The following TENM4 variants were observed in gnomAD, a reference collection of about 807,000 sequenced individuals.
The protein encoded by TENM4 is teneurin-4.
TENM4 carries 82 observed loss-of-function variants against 243.3 expected under a neutral mutation model. That is an observed-to-expected ratio of 0.34 (90% CI 0.28 to 0.40). TENM4 has a LOEUF of 0.40. TENM4 is among the 10% of genes least tolerant of loss of function. TENM4 has a pLI of 1.00. For missense variants in TENM4, 3,138 were observed against 3,673.3 expected (o/e 0.85, Z 3.77); for synonymous variants, 1,412 against 1,456.3 (o/e 0.97, Z 0.69).
chr11:79,420,556 T>C (rs1355423), intron 1 of TENM4, among the ~76,000 whole-genome samples: 8,687 of 152,322 alleles, frequency 0.057, 350 homozygotes, highest in Non-Finnish European at 0.087. Flanking sequence ...TTATGTGCTA[T>C]TTATGCCTCT....
At position 78,821,225 on chromosome 11, in the gene TENM4, T is replaced by C. The variant is rs527543135; in HGVS notation, c.1682-6830A>G. On this transcript the variant is annotated intron_variant, in intron 12 of 33. Coordinates refer to ENST00000278550, the MANE Select transcript of TENM4 (RefSeq NM_001098816.3). ...TATTATATTCAGTCTTGGCTATTTGTTAATTATTTCTTTGGGGACAAACCA... is the reference window on the plus strand; with the variant it reads ...TATTATATTCAGTCTTGGCTATTTGCTAATTATTTCTTTGGGGACAAACCA... 1.4e-3 allele frequency among the ~76,000 whole-genome samples: 207 copies of C among 152,378 alleles called. 1 individual carries two copies. The highest frequency in any genetic ancestry group is 4.7e-3 in the African/African-American group (197 of 41,594).
At chr11:79,098,230 C>CAT (rs1861133851) in intron 4 of TENM4, among the ~76,000 whole-genome samples, 1 of 140,258 alleles carries the variant, frequency 7.1e-6, no homozygotes, top group Non-Finnish European at 1.6e-5. Context: ...CACCCCCCCC[C>CAT]ATCTCCCAGC....
chr11:79,347,585 G>A (rs890617554), intron 1 of TENM4, among the ~76,000 whole-genome samples: 1 of 152,024 alleles, frequency 6.6e-6, no homozygotes, highest in Non-Finnish European at 1.5e-5. Flanking sequence ...TTGCAGTAGG[G>A]CCCCGCAGAC....
Position 78,733,899 on chromosome 11 carries a change from T to C in TENM4, c.2877-1322A>G, listed in dbSNP as rs547961700. On this transcript the variant is annotated intron_variant, in intron 20 of 33. Transcript: ENST00000278550. The stretch of plus-strand genomic sequence containing the variant: ...TAAAGCCCTATCATGCAATAAGACA[T>C]AAGACTAGGCCAGGCATGGTGGCTC... 5.3e-5 allele frequency among the ~76,000 whole-genome samples: 8 copies of C among 152,194 alleles called. No homozygotes were observed. In the South Asian group the frequency reaches 1.7e-3, roughly 32 times the overall value.
intron 6 of TENM4, chr11:79,021,640 G>T (rs957960916): frequency 6.6e-6 from 1 of 152,364 alleles, no homozygotes; most frequent in Non-Finnish European, 1.5e-5. Context: ...AGAGCTTCAG[G>T]AGAAGAAAGT....
intron 1 of TENM4, among the ~76,000 whole-genome samples, chr11:79,306,350 A>G (rs552801651): frequency 9.2e-5 from 14 of 152,282 alleles, no homozygotes; most frequent in Admixed American, 3.3e-4. Context: ...CAGCATCAGA[A>G]AAGCTTTATA....
At chr11:79,283,026 C>G (rs1856184181) in intron 2 of TENM4, among the ~76,000 whole-genome samples, 1 of 152,066 alleles carries the variant, frequency 6.6e-6, no homozygotes, top group Admixed American at 6.6e-5. Flanking sequence ...TAAGGCATGA[C>G]TATTAGCTGT....
intron 3 of TENM4, among the ~76,000 whole-genome samples, chr11:79,192,393 C>T (rs370143451): frequency 2.0e-4 from 30 of 152,152 alleles, no homozygotes; most frequent in Non-Finnish European, 3.1e-4. Context: ...GAAGTAGACA[C>T]GGGAGACTTT....
chr11:79,096,056 G>A (rs1377979016), intron 4 of TENM4: 1 of 152,226 alleles, frequency 6.6e-6, no homozygotes, highest in African/African-American at 2.4e-5. Flanking sequence ...AGTTACAAGT[G>A]TGGATACTAG....
intron 32 of TENM4, among the ~76,000 whole-genome samples, chr11:78,664,925 A>G (rs1467203978): frequency 6.6e-6 from 1 of 152,184 alleles, no homozygotes; most frequent in Non-Finnish European, 1.5e-5. Flanking sequence ...AAACTTTCCT[A>G]TTTTGCCTTT....
At chr11:79,431,773 C>T (rs7119046) in intron 1 of TENM4, among the ~76,000 whole-genome samples, 100,262 of 152,074 alleles carry the variant, frequency 0.66, 33,476 homozygotes, top group African/African-American at 0.78. Context: ...GGAAATGAAC[C>T]CAGTCCTCTA....
chr11:79,429,738 G>A (rs777715084), intron 1 of TENM4, among the ~76,000 whole-genome samples: 7 of 152,174 alleles, frequency 4.6e-5, no homozygotes, highest in Non-Finnish European at 8.8e-5. Context: ...CAGTAGCAGA[G>A]AAAAATGAAG....
rs749041202 is a variant in TENM4, at chr11:78,811,569, AACACACACAC to A, written c.1978+543_1978+552del. ...TGGGCACTGCAGAGCCATACACATGAACACACACACACACACACACACACACACACACACG... is the reference window on the plus strand; with the variant it reads ...TGGGCACTGCAGAGCCATACACATGAACACACACACACACACACACACACG... On this transcript the variant is annotated intron_variant, in intron 14 of 33. Transcript: ENST00000278550. Among the ~76,000 whole-genome samples the A allele has an allele frequency of 5.7e-3, 369 of 65,118 alleles. 1 individual carries two copies. The highest frequency in any genetic ancestry group is 0.032 in the South Asian group (69 of 2,132). The allele number at this position is 65,118 out of a possible 152,430, so 42.7% of individuals were successfully genotyped here.
chr11:78,978,690 A>G (rs565550928), intron 6 of TENM4, among the ~76,000 whole-genome samples: 1 of 152,228 alleles, frequency 6.6e-6, no homozygotes, highest in African/African-American at 2.4e-5. Context: ...CTAGATTGGG[A>G]AAAAAAATTA....
intron 6 of TENM4, among the ~76,000 whole-genome samples, chr11:79,058,228 A>C (rs1395993715): frequency 6.6e-6 from 1 of 152,228 alleles, no homozygotes; most frequent in African/African-American, 2.4e-5. Flanking sequence ...AAAACAAAAA[A>C]GACTGTAGAA....
chr11:78,814,201 G>T, intron 13 of TENM4, 93 bp downstream of exon 13: 1 of 1,226,644 alleles, frequency 8.2e-7, no homozygotes, highest in Non-Finnish European at 1.1e-6. Context: ...ATCAGAAGGT[G>T]GGCTGGATTC....
At chr11:79,143,446 T>A (rs1201430237) in intron 4 of TENM4, among the ~76,000 whole-genome samples, 1 of 152,078 alleles carries the variant, frequency 6.6e-6, no homozygotes, top group Non-Finnish European at 1.5e-5. Flanking sequence ...AAACACTGCA[T>A]GTTCTCACTC....
chr11:79,361,322 G>C (rs771543159), intron 1 of TENM4, among the ~76,000 whole-genome samples: 31 of 152,188 alleles, frequency 2.0e-4, no homozygotes, highest in Non-Finnish European at 3.8e-4. Context: ...ATTCTTACCA[G>C]CCTCAAATAC....
intron 2 of TENM4, among the ~76,000 whole-genome samples, chr11:79,286,945 A>G (rs909501871): frequency 2.0e-5 from 3 of 152,254 alleles, no homozygotes; most frequent in Admixed American, 6.5e-5. Flanking sequence ...AGCCACAAAT[A>G]GCATGTTGGA....
Sources: allele counts gnomAD v4.1 joint callset (sites outside exome capture counted in the v4.1 genomes callset), GRCh38; gene constraint gnomAD v4.1.1; transcripts MANE v1.5; gene names NCBI Gene and HGNC (gene_info 2026-07-23, HGNC 2026-07-21).